TG: variants seen among roughly 807,000 people sequenced by gnomAD.
TG encodes the protein thyroid hormones.
In TG, 270 loss-of-function variants were observed where a neutral mutation model predicts 324.7. The observed-to-expected ratio is 0.83, with a 90% confidence interval of 0.75 to 0.92. The LOEUF (loss-of-function observed/expected upper bound fraction) is 0.92. TG is among the 40% of genes least tolerant of loss of function. TG has a pLI of 0.00. For missense variants in TG, 3,591 were observed against 3,456.4 expected, an observed-to-expected ratio of 1.04 and a Z score of -0.98; for synonymous variants, 1,401 against 1,327.0, an observed-to-expected ratio of 1.06 and a Z score of -1.21.
At chr8:132,919,582 A>C in intron 21 of TG, 57 bp downstream of exon 21, 2 of 1,605,540 alleles carry the variant, frequency 1.2e-6, no homozygotes, top group South Asian at 2.2e-5. Flanking sequence ...ATGGAACTCA[A>C]CAGGGTTTCC....
In TG at chr8:132,888,567, A is replaced by G; in HGVS notation, c.2760A>G (p.Thr920=). The G allele has an allele frequency of 6.2e-7, 1 of 1,609,262 alleles. No individual in the cohort carries two copies. Among genetic ancestry groups the G allele is most frequent in the Non-Finnish European group, 8.5e-7 (1 of 1,178,194 alleles). ...GGTCTGAGCCAAGCAAGCTCCCAAC[A>G]TGTGAGCTAACGCATATGAAGAGTT... ...GMRSEPSKLP[T]CPGSCEEAKL... Residue 920 remains threonine (T), a splice_region_variant and synonymous_variant, in exon 10 of 48, where the codon ACA becomes ACG. Transcript: ENST00000220616.
chr8:133,058,464 T>G (rs1841861401), intron 41 of TG, among the ~76,000 whole-genome samples: 1 of 152,202 alleles, frequency 6.6e-6, no homozygotes, highest in Admixed American at 6.5e-5. Context: ...GAGCAAGCCT[T>G]GGAGACTGAT....
At chr8:132,929,649 C>A (rs1207520155) in intron 23 of TG, among the ~76,000 whole-genome samples, 1 of 152,196 alleles carries the variant, frequency 6.6e-6, no homozygotes, top group African/African-American at 2.4e-5. Flanking sequence ...GACTTGCTCA[C>A]TGACATAGAA....
At chr8:132,878,371 C>T (rs1167268513) in intron 5 of TG, among the ~76,000 whole-genome samples, 2 of 152,098 alleles carry the variant, frequency 1.3e-5, no homozygotes, top group Admixed American at 1.3e-4. Context: ...AATCCCAGCA[C>T]TTTGGGAGGC....
At chr8:133,092,500 G>A (rs1303044554) in intron 41 of TG, among the ~76,000 whole-genome samples, 1 of 152,166 alleles carries the variant, frequency 6.6e-6, no homozygotes, top group Non-Finnish European at 1.5e-5. Context: ...CATCCTGTGG[G>A]GTCCCGTGAA....
rs764017667 is a variant in TG, at chr8:133,030,031, G to A, written c.7239+8G>A. 1.2e-6 allele frequency: 2 copies of A among 1,614,232 alleles called. No homozygotes were observed. Among genetic ancestry groups the A allele is most frequent in the Non-Finnish European group, 1.7e-6 (2 of 1,180,046 alleles). ...CGGAGAGCTGTGCTGATGGTAAGTG[G>A]TGTGTGTTCTACCTTCAGTCTTACT... On this transcript the variant is annotated splice_region_variant and intron_variant, in intron 41 of 47. Transcript: ENST00000220616.
intron 20 of TG, 117 bp from the exon 21 acceptor site, chr8:132,919,259 G>A: frequency 8.8e-7 from 1 of 1,131,942 alleles, no homozygotes; most frequent in Non-Finnish European, 1.3e-6. Context: ...GTGGACATTT[G>A]TTAAATGAAT....
At chr8:132,979,638 T>A (rs563394313) in intron 34 of TG, among the ~76,000 whole-genome samples, 3 of 152,190 alleles carry the variant, frequency 2.0e-5, no homozygotes, top group Non-Finnish European at 4.4e-5. Context: ...AACAATCTCA[T>A]GAGGTAGGGC....
chr8:133,072,907 C>T (rs1844289350), intron 41 of TG: 1 of 152,204 alleles, frequency 6.6e-6, no homozygotes, highest in Non-Finnish European at 1.5e-5. Context: ...GAGTGCCCCA[C>T]TCATTGCTTT....
chr8:132,871,695 G>T, intron 4 of TG, 144 bp downstream of exon 4: 1 of 748,728 alleles, frequency 1.3e-6, no homozygotes, highest in Non-Finnish European at 2.2e-6. Context: ...TCAAAGGGAA[G>T]GTTTTATTAT....
intron 41 of TG, chr8:133,060,101 C>T (rs1842150174): frequency 6.3e-7 from 1 of 1,595,032 alleles, no homozygotes; most frequent in Non-Finnish European, 8.5e-7. Context: ...CAGACTTACC[C>T]TCCGGGTTGG....
At chr8:133,005,119 C>T (rs959146211) in intron 35 of TG, among the ~76,000 whole-genome samples, 11 of 152,268 alleles carry the variant, frequency 7.2e-5, no homozygotes, top group African/African-American at 1.9e-4. Flanking sequence ...TTGCTAAGCT[C>T]GTGAAACCTT....
intron 43 of TG, among the ~76,000 whole-genome samples, chr8:133,100,881 G>GAAGT (rs1481996112): frequency 6.6e-6 from 1 of 152,202 alleles, no homozygotes; most frequent in African/African-American, 2.4e-5. Context: ...TAGCCTAAGT[G>GAAGT]AAGTAACTCA....
chr8:133,112,348 G>A (rs1850324158), intron 43 of TG, among the ~76,000 whole-genome samples: 1 of 152,238 alleles, frequency 6.6e-6, no homozygotes, highest in Admixed American at 6.5e-5. Flanking sequence ...ACATAGCACA[G>A]GACTGTGCTG....
rs550444722 is a variant in TG at position 133,097,818 on chromosome 8, C to T, written c.7572+1445C>T. Among the ~76,000 whole-genome samples the T allele has an allele frequency of 4.6e-5, 7 of 151,988 alleles. No individual in the cohort carries two copies. The East Asian group carries it at 5.8e-4, about 13-fold the overall frequency. On this transcript the variant is annotated intron_variant, in intron 43 of 47. Transcript: ENST00000220616. ...TACATATTATATATATTTATGTGTGCGTGTGTATGTAGAGAGAGAGAAAGA... is the reference window on the plus strand; with the variant it reads ...TACATATTATATATATTTATGTGTGTGTGTGTATGTAGAGAGAGAGAAAGA...
At position 133,037,697 on chromosome 8, in the gene TG, G is replaced by A. The variant is rs569986680; in HGVS notation, c.7239+7674G>A. 9 of 150,786 alleles carry A rather than the reference G, an allele frequency of 6.0e-5. No homozygotes were observed. The South Asian group carries it at 6.3e-4, about 11-fold the overall frequency. The allele number at this position is 150,786 out of a possible 1,614,324, so 9.3% of individuals were successfully genotyped here. ...AGAGGACTTAATGCAATGCCTATTC[G>A]GGCAATAAATGAATACTTGATGCAT... On this transcript the variant is annotated intron_variant, in intron 41 of 47. Transcript: ENST00000220616.
At chr8:132,951,411 A>T (rs1011604271) in intron 27 of TG, among the ~76,000 whole-genome samples, 2 of 152,204 alleles carry the variant, frequency 1.3e-5, no homozygotes, top group Non-Finnish European at 2.9e-5. Flanking sequence ...TATGGTATTC[A>T]TTACTCCAAG....
intron 41 of TG, among the ~76,000 whole-genome samples, chr8:133,054,091 G>A (rs1179097098): frequency 1.3e-5 from 2 of 152,116 alleles, no homozygotes; most frequent in Non-Finnish European, 1.5e-5. Flanking sequence ...CTGAGCTTTG[G>A]TTGCTACAGA....
chr8:133,016,167 G>T (rs1202623999), intron 37 of TG, among the ~76,000 whole-genome samples: 1 of 152,146 alleles, frequency 6.6e-6, no homozygotes. Context: ...ATAAAACCCA[G>T]ATCTGCTTGA....
Sources: gnomAD v4.1 joint callset for allele counts (sites outside exome capture counted in the v4.1 genomes callset) on GRCh38, gnomAD v4.1.1 for gene constraint, MANE v1.5 for transcripts, NCBI Gene and HGNC (gene_info 2026-07-23, HGNC 2026-07-21) for gene names.